COMMD1: variants seen among roughly 807,000 people sequenced by gnomAD.
COMMD1 encodes the protein copper metabolism domain containing 1.
COMMD1 carries 10 observed loss-of-function variants against 17.2 expected under a neutral mutation model. The ratio of observed to expected loss-of-function variants is 0.58; its 90% CI spans 0.36 to 0.99. The LOEUF is 0.99. Ranked by LOEUF, COMMD1 falls within the 50% of genes least tolerant of loss-of-function variation. COMMD1 has a pLI of 0.01. For synonymous variants in COMMD1, 97 were observed against 91.6 expected (o/e 1.06, Z -0.34); for missense variants, 270 against 231.8 (o/e 1.17, Z -1.07).
intron 2 of COMMD1, among the ~76,000 whole-genome samples, chr2:62,021,010 A>C (rs1304996024): frequency 6.6e-6 from 1 of 152,120 alleles, no homozygotes; most frequent in African/African-American, 2.4e-5. Flanking sequence ...TCTCAAAAAA[A>C]AAAAAAAACT....
intron 1 of COMMD1, among the ~76,000 whole-genome samples, chr2:61,952,563 A>G (rs888726852): frequency 3.3e-5 from 5 of 152,020 alleles, no homozygotes; most frequent in Non-Finnish European, 7.4e-5. Flanking sequence ...TTTTCCATAC[A>G]TATATGATTT....
intron 1 of COMMD1, among the ~76,000 whole-genome samples, chr2:61,957,596 A>G (rs1671231912): frequency 6.6e-6 from 1 of 152,170 alleles, no homozygotes; most frequent in Non-Finnish European, 1.5e-5. Context: ...ATTACAAAAA[A>G]AATTATGTGG....
intron 2 of COMMD1, among the ~76,000 whole-genome samples, chr2:62,012,565 G>T (rs892882284): frequency 2.6e-5 from 4 of 151,912 alleles, no homozygotes; most frequent in African/African-American, 4.8e-5. Context: ...TGATCCACCC[G>T]CCTGGGCCTC....
intron 2 of COMMD1, among the ~76,000 whole-genome samples, chr2:62,078,713 AAAAAT>A (rs948941933): frequency 4.7e-5 from 7 of 147,934 alleles, no homozygotes; most frequent in African/African-American, 1.2e-4. Flanking sequence ...TTAAAAATTA[AAAAAT>A]AAAATAAAAG....
chr2:62,083,474 G>A (rs971909825), intron 2 of COMMD1, among the ~76,000 whole-genome samples: 4 of 152,262 alleles, frequency 2.6e-5, no homozygotes, highest in South Asian at 2.1e-4. Context: ...AGTTTGCCAC[G>A]CACTTCTGAT....
chr2:61,933,447 G>A (rs1247320835), intron 1 of COMMD1, among the ~76,000 whole-genome samples: 1 of 151,914 alleles, frequency 6.6e-6, no homozygotes, highest in Non-Finnish European at 1.5e-5. Flanking sequence ...TGGGTCAGCT[G>A]TTTTCACTTA....
At chr2:62,044,692 G>A (rs1355844115) in intron 2 of COMMD1, among the ~76,000 whole-genome samples, 1 of 151,826 alleles carries the variant, frequency 6.6e-6, no homozygotes, top group Non-Finnish European at 1.5e-5. Context: ...TAACATTGTG[G>A]GCTAGCAGCC....
chr2:61,968,224 T>A (rs908088275), intron 1 of COMMD1, among the ~76,000 whole-genome samples: 9 of 151,980 alleles, frequency 5.9e-5, no homozygotes, highest in South Asian at 2.1e-4. Flanking sequence ...AAAATAAAAT[T>A]TAAGAGATTT....
chr2:61,905,779 T>C lies in COMMD1; in HGVS notation c.101T>C (p.Leu34Pro). ...FHGYPGITEE[L>P]LRSQLYPEVP... ...GGGTACCCCGGCATCACAGAGGAGCTGCTACGGAGCCAGCTATATCCAGAG... is the reference window on the plus strand; with the variant it reads ...GGGTACCCCGGCATCACAGAGGAGCCGCTACGGAGCCAGCTATATCCAGAG... Residue 34 changes from leucine to proline, a missense_variant, in exon 1 of 3, where the codon CTG becomes CCG. Transcript: ENST00000311832. 1 of 1,614,176 alleles carries C rather than the reference T, an allele frequency of 6.2e-7. No individual in the cohort carries two copies. Among genetic ancestry groups the C allele is most frequent in the Non-Finnish European group, 8.5e-7 (1 of 1,180,022 alleles).
At chr2:61,964,485 A>G (rs1359143901) in intron 1 of COMMD1, among the ~76,000 whole-genome samples, 1 of 151,610 alleles carries the variant, frequency 6.6e-6, no homozygotes, top group East Asian at 2.0e-4. Context: ...AAGTGCTGGG[A>G]TTATAGGCGT....
intron 2 of COMMD1, among the ~76,000 whole-genome samples, chr2:62,015,200 CCTGGTAACCT>C (rs1439184269): frequency 6.6e-6 from 1 of 152,166 alleles, no homozygotes; most frequent in African/African-American, 2.4e-5. Context: ...CTCTTCAGCC[CCTGGTAACCT>C]CTTTTCTACT....
intron 2 of COMMD1, among the ~76,000 whole-genome samples, chr2:62,077,592 C>G (rs1169990988): frequency 3.3e-5 from 5 of 152,018 alleles, no homozygotes; most frequent in Non-Finnish European, 7.4e-5. Flanking sequence ...TCTCTCTCTT[C>G]TATGGGATTG....
intron 2 of COMMD1, among the ~76,000 whole-genome samples, chr2:62,099,737 G>C (rs1160836301): frequency 1.3e-5 from 2 of 152,010 alleles, no homozygotes; most frequent in South Asian, 2.1e-4. Flanking sequence ...ACCTCTGAGA[G>C]GGCTCAAAAC....
intron 1 of COMMD1, among the ~76,000 whole-genome samples, chr2:61,898,899 G>T (rs1669604649): frequency 6.6e-6 from 1 of 152,140 alleles, no homozygotes; most frequent in South Asian, 2.1e-4. Context: ...GTTGTTTTGA[G>T]AGTTAATAAA....
chr2:62,054,180 A>G (rs114412647), intron 2 of COMMD1, among the ~76,000 whole-genome samples: 325 of 152,352 alleles, frequency 2.1e-3, no homozygotes, highest in African/African-American at 7.4e-3. Context: ...CAGAGTGCCT[A>G]TTACTACAAA....
At chr2:61,923,401 T>A (rs189925244) in intron 1 of COMMD1, among the ~76,000 whole-genome samples, 1 of 152,186 alleles carries the variant, frequency 6.6e-6, no homozygotes, top group Non-Finnish European at 1.5e-5. Flanking sequence ...AAACACTGTG[T>A]ATTTCTCAAC....
chr2:62,050,924 A>C (rs1670517848), intron 2 of COMMD1, among the ~76,000 whole-genome samples: 1 of 152,178 alleles, frequency 6.6e-6, no homozygotes. Context: ...TTTCTTCCTT[A>C]AAATTGGCAG....
At chr2:62,081,623 AGTCTGTT>A (rs1671524135) in intron 2 of COMMD1, among the ~76,000 whole-genome samples, 1 of 151,820 alleles carries the variant, frequency 6.6e-6, no homozygotes, top group Non-Finnish European at 1.5e-5. Flanking sequence ...AGTGAGGTTG[AGTCTGTT>A]GTCATGTCTA....
At chr2:62,034,266 C>T (rs1404693720) in intron 2 of COMMD1, among the ~76,000 whole-genome samples, 1 of 151,922 alleles carries the variant, frequency 6.6e-6, no homozygotes, top group Non-Finnish European at 1.5e-5. Context: ...CTTTGGGAGG[C>T]CGAGGTGGGT....
Sources: allele counts gnomAD v4.1 joint callset (sites outside exome capture counted in the v4.1 genomes callset), GRCh38; gene constraint gnomAD v4.1.1; transcripts MANE v1.5; gene names NCBI Gene and HGNC (gene_info 2026-07-23, HGNC 2026-07-21).